Variants in CTNNA2 observed in about 807,000 individuals in gnomAD.
CTNNA2 encodes the protein catenin alpha 2.
Under a neutral mutation model 101.0 loss-of-function variants are expected in CTNNA2, and 42 were observed. That is an observed-to-expected ratio of 0.42 (90% CI 0.32 to 0.54). The LOEUF is 0.54. Ranked by LOEUF, CTNNA2 falls within the 20% of genes least tolerant of loss-of-function variation. CTNNA2 has a pLI of 0.14. For synonymous variants in CTNNA2, 450 were observed against 456.4 expected, an observed-to-expected ratio of 0.99 and a Z score of 0.18; for missense variants, 871 against 1,223.1, an observed-to-expected ratio of 0.71 and a Z score of 4.29.
intron 7 of CTNNA2, among the ~76,000 whole-genome samples, chr2:80,251,896 G>C (rs2149107758): frequency 6.6e-6 from 1 of 152,246 alleles, no homozygotes; most frequent in South Asian, 2.1e-4. Flanking sequence ...CCCTGTTCTA[G>C]TAATAAACTT....
chr2:80,180,746 G>C (rs1558879816), intron 7 of CTNNA2, among the ~76,000 whole-genome samples: 1 of 152,138 alleles, frequency 6.6e-6, no homozygotes, highest in Admixed American at 6.5e-5. Flanking sequence ...AGTCTAAATT[G>C]ACTCGTCTAT....
At chr2:80,115,989 C>T (rs1020018736) in intron 7 of CTNNA2, among the ~76,000 whole-genome samples, 2 of 152,054 alleles carry the variant, frequency 1.3e-5, no homozygotes, top group African/African-American at 4.8e-5. Flanking sequence ...ACATATTAAG[C>T]TATCGACACA....
At chr2:79,856,048 G>T (rs1187259032) in intron 3 of CTNNA2, among the ~76,000 whole-genome samples, 1 of 152,156 alleles carries the variant, frequency 6.6e-6, no homozygotes, top group African/African-American at 2.4e-5. Context: ...TGAGCTCTAG[G>T]ACCATACATC....
intron 1 of CTNNA2, among the ~76,000 whole-genome samples, chr2:79,614,039 C>T (rs1678463270): frequency 6.6e-6 from 1 of 152,152 alleles, no homozygotes; most frequent in African/African-American, 2.4e-5. Context: ...TTATAGTAGG[C>T]TCTGCTGCTG....
At chr2:79,879,038 T>G (rs982740162) in intron 6 of CTNNA2, among the ~76,000 whole-genome samples, 1 of 152,228 alleles carries the variant, frequency 6.6e-6, no homozygotes, top group South Asian at 2.1e-4. Context: ...TTTCTGCCTA[T>G]GACTAGCCAG....
chr2:79,585,153 T>G (rs1017530737), intron 1 of CTNNA2, among the ~76,000 whole-genome samples: 7 of 152,144 alleles, frequency 4.6e-5, no homozygotes, highest in African/African-American at 1.7e-4. Flanking sequence ...TGCCTATCTT[T>G]TAGATGTATT....
chr2:80,297,420 T>C (rs1347151306), intron 7 of CTNNA2, among the ~76,000 whole-genome samples: 3 of 152,196 alleles, frequency 2.0e-5, no homozygotes, highest in East Asian at 1.9e-4. Flanking sequence ...CCCTCACTTA[T>C]TGTGATCTAG....
intron 7 of CTNNA2, among the ~76,000 whole-genome samples, chr2:80,095,227 T>A (rs1700071119): frequency 6.6e-6 from 1 of 152,242 alleles, no homozygotes; most frequent in Non-Finnish European, 1.5e-5. Flanking sequence ...TGTTGAATTT[T>A]GTCAAAGGCC....
chr2:79,924,558 GC>G (rs1686891091), intron 7 of CTNNA2, among the ~76,000 whole-genome samples: 1 of 152,126 alleles, frequency 6.6e-6, no homozygotes, highest in Non-Finnish European at 1.5e-5. Flanking sequence ...GCCACACCTT[GC>G]TTTTGTTTTT....
intron 9 of CTNNA2, among the ~76,000 whole-genome samples, chr2:80,502,774 T>G (rs1395094308): frequency 6.6e-6 from 1 of 152,132 alleles, no homozygotes; most frequent in Admixed American, 6.5e-5. Context: ...GGGACCCAGG[T>G]AGCCAGATGG....
chr2:79,187,270 C>CTTTTCT lies in CTNNA2; in HGVS notation c.-524+1843_-524+1844insCTTTTT, dbSNP rs1242631840. 8.3e-4 allele frequency among the ~76,000 whole-genome samples: 54 copies of CTTTTCT among 65,438 alleles called. 1 individual carries two copies. In the East Asian group the frequency reaches 0.018, roughly 21 times the overall value. The allele number at this position is 65,438 out of a possible 152,430, so 42.9% of individuals were successfully genotyped here. ...CTTTTCTTTTCTTTTCTTTTCTTTT[C>CTTTTCT]TTTTTTTTTTTTTTTTTGAGACAGA... On this transcript the variant is annotated intron_variant, in intron 1 of 21. Coordinates refer to the CTNNA2 transcript ENST00000466387.
chr2:80,498,881 A>T (rs1687662798), intron 9 of CTNNA2, among the ~76,000 whole-genome samples: 1 of 152,202 alleles, frequency 6.6e-6, no homozygotes, highest in Admixed American at 6.5e-5. Context: ...CTATATTTAC[A>T]GCTCTGTGAG....
chr2:80,377,713 A>C (rs554677623), intron 7 of CTNNA2, among the ~76,000 whole-genome samples: 1 of 152,352 alleles, frequency 6.6e-6, no homozygotes, highest in African/African-American at 2.4e-5. Context: ...TAGTGTCATA[A>C]GCCTTCTAGG....
At chr2:80,440,832 T>G (rs1682495829) in intron 9 of CTNNA2, among the ~76,000 whole-genome samples, 1 of 152,214 alleles carries the variant, frequency 6.6e-6, no homozygotes, top group South Asian at 2.1e-4. Context: ...CAGAATAGAC[T>G]AAGTAATCTT....
intron 2 of CTNNA2, among the ~76,000 whole-genome samples, chr2:79,686,450 A>C (rs1683935351): frequency 1.3e-5 from 2 of 152,150 alleles, no homozygotes; most frequent in Admixed American, 1.3e-4. Flanking sequence ...CATACAAACT[A>C]CTTAGCTGCA....
intron 3 of CTNNA2, among the ~76,000 whole-genome samples, chr2:79,836,459 G>T (rs1271220567): frequency 6.6e-6 from 1 of 152,192 alleles, no homozygotes; most frequent in Non-Finnish European, 1.5e-5. Context: ...CAGAAGTGAG[G>T]TGCATGCATT....
At chr2:79,532,536 C>G (rs1672809116) in intron 1 of CTNNA2, among the ~76,000 whole-genome samples, 1 of 152,070 alleles carries the variant, frequency 6.6e-6, no homozygotes, top group South Asian at 2.1e-4. Context: ...TTCTGATTAA[C>G]TAATTGATTT....
intron 2 of CTNNA2, among the ~76,000 whole-genome samples, chr2:79,699,815 ACAC>A (rs1684879619): frequency 3.4e-5 from 5 of 146,788 alleles, no homozygotes; most frequent in East Asian, 4.0e-4. Flanking sequence ...ACACACACAC[ACAC>A]ACACACACAC....
intron 3 of CTNNA2, among the ~76,000 whole-genome samples, chr2:79,814,608 T>TACACACACACACAC (rs146240455): frequency 1.8e-3 from 265 of 145,188 alleles, no homozygotes; most frequent in African/African-American, 6.7e-3. Context: ...TATGTGTGTA[T>TACACACACACACAC]ACACACACAC....
Sources: allele counts gnomAD v4.1 joint callset (sites outside exome capture counted in the v4.1 genomes callset), GRCh38; gene constraint gnomAD v4.1.1; transcripts MANE v1.5; gene names NCBI Gene and HGNC (gene_info 2026-07-23, HGNC 2026-07-21).